The following TPRG1 variants were observed in gnomAD, a reference collection of about 807,000 sequenced individuals.
TPRG1 encodes the protein tumor protein p63-regulated gene 1 protein.
Under a neutral mutation model 29.3 loss-of-function variants are expected in TPRG1, and 29 were observed. The ratio of observed to expected loss-of-function variants is 0.99; its 90% CI spans 0.74 to 1.35. The LOEUF is 1.35. Ranked by LOEUF, TPRG1 falls within the 40% of genes most tolerant of loss-of-function variation. The probability of loss-of-function intolerance (pLI) is 0.00; values close to 1 mark genes in which losing one functional copy is unlikely to be tolerated. For synonymous variants in TPRG1, 130 were observed against 116.8 expected (o/e 1.11, Z -0.73); for missense variants, 327 against 335.0 (o/e 0.98, Z 0.19).
intron 4 of TPRG1, among the ~76,000 whole-genome samples, chr3:189,094,394 A>G (rs547512510): frequency 2.1e-4 from 32 of 152,184 alleles, no homozygotes; most frequent in Non-Finnish European, 3.7e-4. Flanking sequence ...TCTCTTCCTC[A>G]TTCCACTATG....
chr3:189,050,647 C>G (rs571909310), intron 4 of TPRG1, among the ~76,000 whole-genome samples: 1 of 152,236 alleles, frequency 6.6e-6, no homozygotes, highest in African/African-American at 2.4e-5. Flanking sequence ...AACTACAGAC[C>G]AATATCCTTA....
rs1372996253 is a variant in TPRG1, at chr3:189,088,982, ATCT to A, written c.-462-38074_-462-38072del. ...TGTATCTATTGATATCTATCTATCT[ATCT>A]ATCTATCTATCTATCTATCTATCTA... On this transcript the variant is annotated intron_variant, in intron 4 of 10. Coordinates refer to the TPRG1 transcript ENST00000433971. Among the ~76,000 whole-genome samples the A allele has an allele frequency of 2.2e-3, 314 of 145,934 alleles. 3 individuals carry two copies. The highest frequency in any genetic ancestry group is 8.5e-3 in the African/African-American group (305 of 35,676).
chr3:189,075,069 C>T (rs1717070287), intron 4 of TPRG1, among the ~76,000 whole-genome samples: 1 of 152,102 alleles, frequency 6.6e-6, no homozygotes, highest in African/African-American at 2.4e-5. Context: ...CCTCGGCCTC[C>T]CCAGCCTACC....
intron 4 of TPRG1, among the ~76,000 whole-genome samples, chr3:189,086,844 T>G (rs1717978130): frequency 6.6e-6 from 1 of 152,214 alleles, no homozygotes; most frequent in African/African-American, 2.4e-5. Context: ...AAGTCATCCT[T>G]TTTATGGCTG....
chr3:189,271,821 C>T (rs1715180710), intron 4 of TPRG1, among the ~76,000 whole-genome samples: 1 of 152,124 alleles, frequency 6.6e-6, no homozygotes, highest in African/African-American at 2.4e-5. Flanking sequence ...ATTTGAATCC[C>T]GATTCTCATT....
chr3:189,241,246 C>T (rs1314261591), intron 4 of TPRG1, among the ~76,000 whole-genome samples: 1 of 152,144 alleles, frequency 6.6e-6, no homozygotes, highest in Non-Finnish European at 1.5e-5. Flanking sequence ...CACACACCCA[C>T]ACCAATATCA....
intron 1 of TPRG1, among the ~76,000 whole-genome samples, chr3:189,188,839 T>G (rs1307998626): frequency 6.6e-6 from 1 of 152,188 alleles, no homozygotes; most frequent in Non-Finnish European, 1.5e-5. Context: ...CCTTTGCATA[T>G]CAGTGGGCAG....
upstream of TPRG1, among the ~76,000 whole-genome samples, chr3:189,098,074 T>G (rs1450253285): frequency 6.6e-6 from 1 of 152,186 alleles, no homozygotes; most frequent in Non-Finnish European, 1.5e-5. Context: ...CTCCTTTGAT[T>G]CATCAGGGGC....
intron 4 of TPRG1, among the ~76,000 whole-genome samples, chr3:189,308,482 C>T (rs1474223283): frequency 6.6e-6 from 1 of 152,190 alleles, no homozygotes; most frequent in East Asian, 1.9e-4. Context: ...GCCTGAGAAG[C>T]CCCACCCTTG....
chr3:189,061,583 A>G (rs1716106591), intron 4 of TPRG1, among the ~76,000 whole-genome samples: 1 of 152,206 alleles, frequency 6.6e-6, no homozygotes, highest in Non-Finnish European at 1.5e-5. Flanking sequence ...GGGAACTTAA[A>G]TTCACAAGAA....
At chr3:189,090,332 C>T (rs1215629890) in intron 4 of TPRG1, among the ~76,000 whole-genome samples, 5 of 152,038 alleles carry the variant, frequency 3.3e-5, no homozygotes, top group Non-Finnish European at 7.4e-5. Context: ...AACTGTACTG[C>T]TTTAAGATCA....
intron 4 of TPRG1, among the ~76,000 whole-genome samples, chr3:189,058,913 C>G (rs1421326579): frequency 6.6e-6 from 1 of 152,132 alleles, no homozygotes; most frequent in African/African-American, 2.4e-5. Context: ...GCACAGATAC[C>G]AGCAAGCAAG....
chr3:189,155,241 A>T (rs1323592872), intron 5 of TPRG1, among the ~76,000 whole-genome samples: 1 of 152,230 alleles, frequency 6.6e-6, no homozygotes, highest in Non-Finnish European at 1.5e-5. Context: ...TTCTAAGGGT[A>T]GAAGGATGGA....
At chr3:189,295,562 G>A (rs1719769571) in intron 4 of TPRG1, among the ~76,000 whole-genome samples, 1 of 144,682 alleles carries the variant, frequency 6.9e-6, no homozygotes, top group Admixed American at 6.9e-5. Flanking sequence ...TTATGAAGGA[G>A]TCGCTTTAAT....
intron 2 of TPRG1, among the ~76,000 whole-genome samples, chr3:189,131,676 T>A (rs138830768): frequency 6.6e-6 from 1 of 152,326 alleles, no homozygotes; most frequent in Non-Finnish European, 1.5e-5. Flanking sequence ...CCTCTGAGAT[T>A]GTCCTCATTA....
At chr3:189,260,990 G>A (rs1395239799) in intron 4 of TPRG1, among the ~76,000 whole-genome samples, 2 of 152,164 alleles carry the variant, frequency 1.3e-5, no homozygotes, top group Non-Finnish European at 2.9e-5. Context: ...CGTGGCCCGG[G>A]CCAATTCTGC....
chr3:189,243,158 T>G (rs567609738), intron 4 of TPRG1, among the ~76,000 whole-genome samples: 27 of 152,272 alleles, frequency 1.8e-4, no homozygotes, highest in African/African-American at 6.5e-4. Context: ...TCCACTTCTG[T>G]GGAGGCCTTA....
At chr3:189,169,989 C>T (rs1270338514), upstream of TPRG1, among the ~76,000 whole-genome samples, 2 of 152,104 alleles carry the variant, frequency 1.3e-5, no homozygotes, top group Admixed American at 6.6e-5. Context: ...GTTCAGTGGC[C>T]GCTGGAAACC....
intron 4 of TPRG1, among the ~76,000 whole-genome samples, chr3:189,076,313 A>G (rs1717167018): frequency 6.6e-6 from 1 of 152,194 alleles, no homozygotes; most frequent in Non-Finnish European, 1.5e-5. Flanking sequence ...TGTAAGTAAA[A>G]TTACCAGAGT....
Sources: allele counts gnomAD v4.1 joint callset (sites outside exome capture counted in the v4.1 genomes callset), GRCh38; gene constraint gnomAD v4.1.1; transcripts MANE v1.5; gene names NCBI Gene and HGNC (gene_info 2026-07-23, HGNC 2026-07-21).